The following MRTFA variants were observed in gnomAD, a reference collection of about 807,000 sequenced individuals.
The protein encoded by MRTFA is myocardin related transcription factor A, also known as myocardin-related transcription factor A.
In MRTFA, 20 loss-of-function variants were observed where a neutral mutation model predicts 83.5. The observed-to-expected ratio is 0.24, with a 90% CI of 0.17 to 0.35. MRTFA has a LOEUF of 0.35. Ranked by LOEUF, MRTFA falls within the 10% of genes least tolerant of loss-of-function variation. The pLI is 1.00. For synonymous variants in MRTFA, 659 were observed against 541.2 expected (o/e 1.22, Z -3.02); for missense variants, 1,200 against 1,224.7 (o/e 0.98, Z 0.30).
At chr22:40,463,448 T>C in intron 3 of MRTFA, 162 bp from the exon 4 acceptor site, 1 of 602,706 alleles carries the variant, frequency 1.7e-6, no homozygotes, top group Non-Finnish European at 3.0e-6. Context: ...AGTGGCCTGA[T>C]ACAGCAGAGT....
rs919260531 is a variant in MRTFA, at chr22:40,533,581, G to C, written c.241+18525C>G. On this transcript the variant is annotated intron_variant, in intron 3 of 14. Transcript: ENST00000355630. ...AGCAAGTTAGGAAATTAGGATTTAT[G>C]TGAATTACCTGACTGTACTGCCATC... is the stretch of plus-strand genomic sequence containing the variant. 3 of 1,224,340 alleles carry C rather than the reference G, an allele frequency of 2.5e-6. No individual in the cohort carries two copies. The East Asian group carries it at 9.5e-5, about 39-fold the overall frequency. 75.8% of individuals were successfully genotyped at this position (1,224,340 alleles called of 1,614,324 possible). A position where few individuals can be genotyped will look rare whatever the true frequency, so the allele number is the denominator to read the frequency against.
chr22:40,553,977 T>C (rs1015527659), intron 2 of MRTFA, among the ~76,000 whole-genome samples: 2 of 152,096 alleles, frequency 1.3e-5, no homozygotes, highest in African/African-American at 4.8e-5. Context: ...TCAAAGGAGA[T>C]CATTTCAGAG....
At chr22:40,595,168 G>A (rs2056173918) in intron 1 of MRTFA, among the ~76,000 whole-genome samples, 1 of 141,734 alleles carries the variant, frequency 7.1e-6, no homozygotes. Flanking sequence ...TCGCCGGGCT[G>A]GAATGCAATG....
chr22:40,465,421 C>A (rs1216146687), intron 3 of MRTFA, among the ~76,000 whole-genome samples: 2 of 152,126 alleles, frequency 1.3e-5, no homozygotes, highest in African/African-American at 2.4e-5. Flanking sequence ...AAGAACAAAG[C>A]CTTGGAGAAC....
rs367823907 is a variant in MRTFA, at chr22:40,417,060, G to GAA, written c.2518-16_2518-15dup. The GAA allele has an allele frequency of 4.1e-5, 51 of 1,239,340 alleles. No individual in the cohort carries two copies. The highest frequency in any genetic ancestry group is 9.2e-5 in the Admixed American group (4 of 43,542). 76.8% of individuals were successfully genotyped at this position (1,239,340 alleles called of 1,614,324 possible). A position where few individuals can be genotyped will look rare whatever the true frequency, so the allele number is the denominator to read the frequency against. ...GGAACCATTTTCCTGTGGGACAAAG[G>GAA]AAAAAAAAAAAAGAGATAAAAATCT... On this transcript the variant is annotated splice_polypyrimidine_tract_variant and intron_variant, in intron 13 of 14. Transcript: ENST00000355630.
At chr22:40,609,844 C>A (rs924858452) in intron 1 of MRTFA, among the ~76,000 whole-genome samples, 1 of 151,904 alleles carries the variant, frequency 6.6e-6, no homozygotes. Context: ...AAAAAGTAAA[C>A]CCATCAAAGA....
chr22:40,552,930 T>G (rs1349298610), intron 2 of MRTFA, among the ~76,000 whole-genome samples: 1 of 152,204 alleles, frequency 6.6e-6, no homozygotes, highest in African/African-American at 2.4e-5. Flanking sequence ...TAGAGACCTG[T>G]TGAATGCCTT....
chr22:40,551,856 T>C (rs1057073446), intron 3 of MRTFA, among the ~76,000 whole-genome samples: 34 of 152,304 alleles, frequency 2.2e-4, no homozygotes, highest in African/African-American at 8.2e-4. Context: ...TGAATATATA[T>C]GCTGAATTAA....
At chr22:40,519,633 A>G in intron 3 of MRTFA, 2 of 1,277,292 alleles carry the variant, frequency 1.6e-6, no homozygotes, top group Non-Finnish European at 2.0e-6. Context: ...TAAAAGCAAA[A>G]AAGAAATAAA....
intron 3 of MRTFA, among the ~76,000 whole-genome samples, chr22:40,549,157 T>A (rs899196844): frequency 8.5e-5 from 13 of 152,252 alleles, no homozygotes; most frequent in Middle Eastern, 3.4e-3. Context: ...CTCAAACTCC[T>A]GGGCTCAGGC....
intron 2 of MRTFA, among the ~76,000 whole-genome samples, chr22:40,556,277 A>G (rs574699370): frequency 6.6e-6 from 1 of 152,336 alleles, no homozygotes; most frequent in Admixed American, 6.5e-5. Context: ...CCAACAAAAT[A>G]TTGAACAGCC....
At chr22:40,525,238 T>C (rs1037822401) in intron 3 of MRTFA, among the ~76,000 whole-genome samples, 1 of 152,344 alleles carries the variant, frequency 6.6e-6, no homozygotes, top group East Asian at 1.9e-4. Flanking sequence ...GAGAAAGTTA[T>C]TCATATTCTG....
At chr22:40,471,551 T>C (rs2053914508) in intron 3 of MRTFA, among the ~76,000 whole-genome samples, 1 of 152,142 alleles carries the variant, frequency 6.6e-6, no homozygotes, top group Non-Finnish European at 1.5e-5. Flanking sequence ...AAAGCCCAGG[T>C]CCAGAAAGCT....
intron 5 of MRTFA, among the ~76,000 whole-genome samples, 189 bp from the exon 6 acceptor site, chr22:40,431,669 A>C (rs1433262328): frequency 6.6e-6 from 1 of 152,040 alleles, no homozygotes; most frequent in Non-Finnish European, 1.5e-5. Context: ...ATCCAACTGC[A>C]CCTGCCAAGG....
At chr22:40,513,654 TA>T (rs892183588) in intron 3 of MRTFA, among the ~76,000 whole-genome samples, 96 of 145,474 alleles carry the variant, frequency 6.6e-4, no homozygotes, top group South Asian at 4.8e-3. Context: ...GCTTGCCATT[TA>T]AAAAAAAAAA....
chr22:40,592,809 A>C (rs2056140844), intron 2 of MRTFA, among the ~76,000 whole-genome samples: 1 of 152,144 alleles, frequency 6.6e-6, no homozygotes, highest in African/African-American at 2.4e-5. Flanking sequence ...TTTCTTTACA[A>C]GCATAATGAC....
chr22:40,476,155 A>AG lies in MRTFA; in HGVS notation c.242-12870dup, dbSNP rs1181215772. Among the ~76,000 whole-genome samples the AG allele has an allele frequency of 6.3e-3, 910 of 144,934 alleles. 8 individuals carry two copies. Among genetic ancestry groups the AG allele is most frequent in the South Asian group, 0.01 (41 of 4,090 alleles). On this transcript the variant is annotated intron_variant, in intron 3 of 14. Transcript: ENST00000355630. ...CAAGACTCCGTCTCAAAAAAAAAAA[A>AG]GGGGGGGGGTCTTGAAAGTATTTTA...
intron 3 of MRTFA, among the ~76,000 whole-genome samples, chr22:40,487,318 C>A (rs2147195123): frequency 6.6e-6 from 1 of 152,234 alleles, no homozygotes; most frequent in South Asian, 2.1e-4. Context: ...AGGAAAACAC[C>A]ACTATACATT....
At chr22:40,465,992 C>T (rs2053807138) in intron 3 of MRTFA, among the ~76,000 whole-genome samples, 1 of 152,072 alleles carries the variant, frequency 6.6e-6, no homozygotes, top group African/African-American at 2.4e-5. Flanking sequence ...ATTCTGATTC[C>T]AAAACCTGGG....
Sources: gnomAD v4.1 joint callset for allele counts (sites outside exome capture counted in the v4.1 genomes callset) on GRCh38, gnomAD v4.1.1 for gene constraint, MANE v1.5 for transcripts, NCBI Gene and HGNC (gene_info 2026-07-23, HGNC 2026-07-21) for gene names.